Variants in ERI3 observed in about 807,000 individuals in gnomAD.
ERI3 encodes ERI1 exoribonuclease family member 3, also known as ERI1 exoribonuclease 3.
Under a neutral mutation model 44.4 loss-of-function variants are expected in ERI3, and 18 were observed. The ratio of observed to expected loss-of-function variants is 0.41; its 90% CI spans 0.28 to 0.60. ERI3 has a LOEUF of 0.60. ERI3 is among the 20% of genes least tolerant of loss of function. ERI3 has a pLI of 0.36. For missense variants in ERI3, 294 were observed against 435.5 expected (o/e 0.68, Z 2.89); for synonymous variants, 183 against 164.8 (o/e 1.11, Z -0.84).
Position 44,227,270 on chromosome 1 carries a change from G to C in ERI3, c.932-5630C>G, listed in dbSNP as rs984699040. Among the ~76,000 whole-genome samples, 6 of 152,204 alleles carry C rather than the reference G, an allele frequency of 3.9e-5. No homozygotes were observed. In the South Asian group the frequency reaches 1.0e-3, roughly 26 times the overall value. ...GATCTTCAGGACATGGTGAGGAATG[G>C]GGCAAGAGTCCATGGAACAGGGACC... On this transcript the variant is annotated intron_variant, in intron 8 of 8. Transcript: ENST00000372257.
At chr1:44,232,976 TC>T (rs1366518333) in intron 8 of ERI3, among the ~76,000 whole-genome samples, 1 of 152,194 alleles carries the variant, frequency 6.6e-6, no homozygotes, top group South Asian at 2.1e-4. Context: ...ATCATTTCAG[TC>T]TTTTTCTTGC....
chr1:44,225,954 A>G (rs139029301), intron 8 of ERI3, among the ~76,000 whole-genome samples: 4 of 152,304 alleles, frequency 2.6e-5, no homozygotes, highest in African/African-American at 9.6e-5. Context: ...AAGACTCTGT[A>G]GCTCCCTGCC....
Position 44,221,123 on chromosome 1 carries a change from G to A in ERI3, c.*435C>T, listed in dbSNP as rs577095065. The A allele has an allele frequency of 4.1e-5, 11 of 266,728 alleles. No homozygotes were observed. In the East Asian group the frequency reaches 1.1e-3, roughly 26 times the overall value. 16.5% of individuals were successfully genotyped at this position (266,728 alleles called of 1,614,324 possible). ...TTTCCCCGACTTTATTCAGTGGCAC[G>A]TTCACAGCGGGGATGGGGGTAGACA... On this transcript the variant is annotated 3_prime_UTR_variant, in exon 9 of 9. Coordinates refer to ENST00000372257, the MANE Select transcript of ERI3 (RefSeq NM_024066.3). The surrounding 1 kb of genome is among the most constrained non-coding windows in gnomAD (Gnocchi z 5.9).
intron 3 of ERI3, among the ~76,000 whole-genome samples, chr1:44,324,890 C>T (rs1171396209): frequency 6.6e-6 from 1 of 152,244 alleles, no homozygotes; most frequent in East Asian, 1.9e-4. Flanking sequence ...CAGCTAAGAA[C>T]AAAAGCCTCA....
At chr1:44,341,092 T>C (rs1475585183) in intron 2 of ERI3, among the ~76,000 whole-genome samples, 1 of 152,222 alleles carries the variant, frequency 6.6e-6, no homozygotes, top group East Asian at 1.9e-4. Context: ...GCACAGAATA[T>C]GCGTAGTATA....
At chr1:44,310,940 G>T (rs1645942790) in intron 5 of ERI3, among the ~76,000 whole-genome samples, 1 of 141,914 alleles carries the variant, frequency 7.0e-6, no homozygotes. Context: ...CTCCTTGCAT[G>T]TATGTGCACA....
chr1:44,231,603 C>T (rs1204238688), intron 8 of ERI3, among the ~76,000 whole-genome samples: 1 of 152,158 alleles, frequency 6.6e-6, no homozygotes, highest in African/African-American at 2.4e-5. Flanking sequence ...ACCCCAGCCT[C>T]CCAAAGTGCT....
At chr1:44,314,528 T>TAACCCACA (rs1646042240) in intron 4 of ERI3, among the ~76,000 whole-genome samples, 2 of 152,244 alleles carry the variant, frequency 1.3e-5, no homozygotes, top group South Asian at 4.1e-4. Context: ...ACTGTTGTTT[T>TAACCCACA]GCAAAGCTTT....
chr1:44,290,589 C>T (rs548385719), intron 6 of ERI3, among the ~76,000 whole-genome samples: 1 of 152,320 alleles, frequency 6.6e-6, no homozygotes, highest in Non-Finnish European at 1.5e-5. Flanking sequence ...CTAGTCAGAG[C>T]CTCCATGGGC....
chr1:44,265,308 A>G (rs757952736), intron 7 of ERI3, among the ~76,000 whole-genome samples: 1 of 152,240 alleles, frequency 6.6e-6, no homozygotes, highest in Non-Finnish European at 1.5e-5. Flanking sequence ...ACTCCCGCAC[A>G]GGTGGCAGAT....
intron 7 of ERI3, among the ~76,000 whole-genome samples, chr1:44,280,619 G>C (rs1272362960): frequency 6.6e-6 from 1 of 152,168 alleles, no homozygotes; most frequent in East Asian, 1.9e-4. Context: ...CCCACACAAT[G>C]ATCTGTCCCA....
At chr1:44,317,870 T>C (rs1364035395) in intron 4 of ERI3, among the ~76,000 whole-genome samples, 1 of 152,064 alleles carries the variant, frequency 6.6e-6, no homozygotes, top group Non-Finnish European at 1.5e-5. Flanking sequence ...AGCAGAGAGA[T>C]ATGAGGCTGG....
At chr1:44,257,673 C>T (rs1490514296) in intron 7 of ERI3, among the ~76,000 whole-genome samples, 1 of 152,190 alleles carries the variant, frequency 6.6e-6, no homozygotes, top group Non-Finnish European at 1.5e-5. Flanking sequence ...TCCCTCATGG[C>T]CTCCTGCGCC....
chr1:44,301,046 T>G (rs1645714791), intron 6 of ERI3, among the ~76,000 whole-genome samples: 2 of 143,302 alleles, frequency 1.4e-5, no homozygotes, highest in Non-Finnish European at 3.1e-5. Context: ...TTTCCCTGTC[T>G]GTGGGTTGGG....
chr1:44,322,114 T>C (rs1646214961), intron 3 of ERI3, among the ~76,000 whole-genome samples: 2 of 152,194 alleles, frequency 1.3e-5, no homozygotes, highest in South Asian at 2.1e-4. Context: ...AATGCTATTA[T>C]AGATCTAGGA....
chr1:44,291,256 G>A (rs1203623909), intron 6 of ERI3, among the ~76,000 whole-genome samples: 9 of 152,178 alleles, frequency 5.9e-5, no homozygotes, highest in Non-Finnish European at 1.0e-4. Context: ...CGCTGCTGAT[G>A]TATAAAAAAT....
intron 7 of ERI3, 89 bp from the exon 8 acceptor site, chr1:44,248,127 T>G (rs1644594076): frequency 1.4e-5 from 11 of 797,806 alleles, no homozygotes; most frequent in Non-Finnish European, 2.2e-5. Flanking sequence ...CCCCAAATCT[T>G]TCCAACAAGG....
intron 1 of ERI3, chr1:44,354,499 C>T: frequency 1.0e-6 from 1 of 985,402 alleles, no homozygotes; most frequent in East Asian, 1.1e-4. Context: ...CCAGGTTAGG[C>T]CCTTATTCAC....
Position 44,339,171 on chromosome 1 carries a change from T to C in ERI3, c.363A>G (p.Arg121=), listed in dbSNP as rs1646596802. ...CGCCAAAGCCGTGGGCCGCCAGCTT[T>C]CTGGTGGATATGGAGCAGAACTCCG... ...GVPEFCSIST[R]KLAAHGFGAS... The change falls in exon 3 of 9, where the codon AGA becomes AGG. Residue 121 remains arginine, a synonymous_variant. Transcript: ENST00000372257. 1 of 1,614,002 alleles carries C rather than the reference T, an allele frequency of 6.2e-7. No homozygotes were observed. Among genetic ancestry groups the C allele is most frequent in the Non-Finnish European group, 8.5e-7 (1 of 1,179,998 alleles).
Sources: allele counts gnomAD v4.1 joint callset (sites outside exome capture counted in the v4.1 genomes callset), GRCh38; gene constraint gnomAD v4.1.1; non-coding constraint Gnocchi (gnomAD v3.1); transcripts MANE v1.5; gene names NCBI Gene and HGNC (gene_info 2026-07-23, HGNC 2026-07-21).